SNX30: variants seen among roughly 807,000 people sequenced by gnomAD.
The protein encoded by SNX30 is sorting nexin family member 30, also known as sorting nexin-30.
A neutral mutation model predicts 46.4 loss-of-function variants in SNX30; 24 were observed. The observed-to-expected ratio is 0.52, with a 90% CI of 0.37 to 0.73. The LOEUF is 0.73. Among genes scored for constraint, SNX30 ranks in the 30% least tolerant of loss-of-function variants. The pLI is 0.00. For synonymous variants in SNX30, 189 were observed against 211.5 expected (o/e 0.89, Z 0.92); for missense variants, 533 against 555.7 (o/e 0.96, Z 0.41).
upstream of SNX30, chr9:112,750,731 G>GGGCGGTGT (rs1839252782): frequency 6.6e-6 from 1 of 150,734 alleles, no homozygotes; most frequent in Non-Finnish European, 1.5e-5. Flanking sequence ...CGGAGCGGGT[G>GGGCGGTGT]GGCGGTGTGG....
At chr9:112,878,687 A>G (rs990275519), downstream of SNX30, 2 of 152,280 alleles carry the variant, frequency 1.3e-5, no homozygotes, top group Non-Finnish European at 1.5e-5. Flanking sequence ...GTGCTAGGGC[A>G]GACACAGTCA....
chr9:112,804,801 C>T lies in SNX30; in HGVS notation c.182C>T (p.Thr61Ile). The change falls in exon 2 of 9, where the codon ACT (threonine) becomes ATT (isoleucine). Residue 61 changes from threonine (T) to isoleucine (I), a missense_variant. This residue lies in a region of SNX30 where 191 missense variants were observed against 160.3 expected (regional missense o/e 1.19). Coordinates refer to ENST00000374232, the MANE Select transcript of SNX30 (RefSeq NM_001012994.2). Reference sequence around the variant, plus strand: ...GATCTCATTTTGCCCAACGGTGGTACTCCAGCAGGTACTTCAAGTCCAGCT... The same window carrying T: ...GATCTCATTTTGCCCAACGGTGGTATTCCAGCAGGTACTTCAAGTCCAGCT... The part of the protein sequence containing the change: ...DKDLILPNGG[T>I]PAGTSSPASS... 1 of 1,612,224 alleles carries T rather than the reference C, an allele frequency of 6.2e-7. No homozygotes were observed. The highest frequency in any genetic ancestry group is 2.2e-5 in the East Asian group (1 of 44,878).
intron 4 of SNX30, among the ~76,000 whole-genome samples, chr9:112,835,795 A>T (rs1047483754): frequency 6.6e-6 from 1 of 152,044 alleles, no homozygotes; most frequent in Admixed American, 6.6e-5. Flanking sequence ...TACTCCCCTT[A>T]TATGGCTTTA....
chr9:112,846,660 C>G (rs1001886017), intron 6 of SNX30, among the ~76,000 whole-genome samples: 1 of 152,078 alleles, frequency 6.6e-6, no homozygotes, highest in African/African-American at 2.4e-5. Context: ...CCACTTGGGT[C>G]TTGGGTCGTC....
intron 1 of SNX30, among the ~76,000 whole-genome samples, chr9:112,760,577 G>C (rs572232511): frequency 6.6e-6 from 1 of 152,294 alleles, no homozygotes; most frequent in Non-Finnish European, 1.5e-5. Context: ...TAAGAATGAA[G>C]CCAGAGGGAA....
intron 1 of SNX30, among the ~76,000 whole-genome samples, chr9:112,791,568 C>T (rs978698420): frequency 7.9e-5 from 12 of 151,840 alleles, no homozygotes; most frequent in African/African-American, 2.9e-4. Context: ...TGTGCCACCA[C>T]GCCCAGCTAA....
intron 1 of SNX30, among the ~76,000 whole-genome samples, chr9:112,783,147 G>A (rs1303157618): frequency 2.0e-5 from 3 of 152,222 alleles, no homozygotes; most frequent in Non-Finnish European, 2.9e-5. Flanking sequence ...AGGTGAATGT[G>A]GTGGTAGTTG....
At chr9:112,789,618 G>A (rs963250960) in intron 1 of SNX30, among the ~76,000 whole-genome samples, 4 of 152,286 alleles carry the variant, frequency 2.6e-5, no homozygotes, top group African/African-American at 7.2e-5. Context: ...AATTGTGTAT[G>A]GTAAATGCAG....
intron 2 of SNX30, among the ~76,000 whole-genome samples, chr9:112,807,272 G>T (rs1169141698): frequency 6.6e-6 from 1 of 151,868 alleles, no homozygotes; most frequent in Non-Finnish European, 1.5e-5. Flanking sequence ...TACTATGTTG[G>T]CCAGCCTGGT....
chr9:112,843,831 T>C (rs1328718453), intron 6 of SNX30, among the ~76,000 whole-genome samples: 1 of 152,070 alleles, frequency 6.6e-6, no homozygotes, highest in African/African-American at 2.4e-5. Context: ...GTGAGGCTGG[T>C]CTCGAACTCC....
At chr9:112,804,210 G>C (rs953662834) in intron 1 of SNX30, among the ~76,000 whole-genome samples, 28 of 152,182 alleles carry the variant, frequency 1.8e-4, no homozygotes, top group Admixed American at 5.9e-4. Context: ...TGTTGCCCAG[G>C]TTGGAGTGCA....
At chr9:112,791,229 T>A (rs973007491) in intron 1 of SNX30, among the ~76,000 whole-genome samples, 16 of 152,198 alleles carry the variant, frequency 1.1e-4, no homozygotes, top group Admixed American at 9.2e-4. Flanking sequence ...CTGTAGCCCC[T>A]GGCAACCAAG....
chr9:112,846,177 A>G (rs1433751803), intron 6 of SNX30, among the ~76,000 whole-genome samples: 7 of 152,248 alleles, frequency 4.6e-5, no homozygotes, highest in African/African-American at 1.7e-4. Flanking sequence ...AGACCATCTG[A>G]ATAACAGGTG....
intron 1 of SNX30, among the ~76,000 whole-genome samples, chr9:112,787,072 T>C (rs1839941409): frequency 6.6e-6 from 1 of 152,148 alleles, no homozygotes; most frequent in Non-Finnish European, 1.5e-5. Flanking sequence ...GCCAGTCAGG[T>C]GGCGCTCCAG....
chr9:112,795,765 T>TCTCACA (rs34877094), intron 1 of SNX30, among the ~76,000 whole-genome samples: 26,344 of 123,172 alleles, frequency 0.21, 2,920 homozygotes, highest in East Asian at 0.42. Context: ...CACAGTACAG[T>TCTCACA]CACACACACA....
intron 2 of SNX30, among the ~76,000 whole-genome samples, chr9:112,815,406 G>A (rs1840381208): frequency 6.6e-6 from 1 of 151,064 alleles, no homozygotes; most frequent in Non-Finnish European, 1.5e-5. Flanking sequence ...TGTTTCCCAG[G>A]CTGGAGTGCA....
chr9:112,771,942 G>C (rs1839656783), intron 1 of SNX30, among the ~76,000 whole-genome samples: 1 of 152,166 alleles, frequency 6.6e-6, no homozygotes, highest in Non-Finnish European at 1.5e-5. Flanking sequence ...TGAACTTTTT[G>C]TTCTGGCTTG....
intron 6 of SNX30, among the ~76,000 whole-genome samples, chr9:112,843,440 G>A (rs1340789224): frequency 6.6e-6 from 1 of 152,060 alleles, no homozygotes; most frequent in Non-Finnish European, 1.5e-5. Context: ...ATATGGGAGT[G>A]AGCTGCGCAA....
At position 112,836,279 on chromosome 9, in the gene SNX30, C is replaced by T. The variant is rs763033295; in HGVS notation, c.684C>T (p.His228=). The T allele has an allele frequency of 9.3e-6, 15 of 1,613,006 alleles. 1 individual carries two copies. The highest frequency in any genetic ancestry group is 6.7e-5 in the African/African-American group (5 of 74,932). ...LLTRMGESVK[H]VTGGYKLRTR... is the part of the protein sequence containing the mutation. The stretch of plus-strand genomic sequence containing the variant: ...CCAGAATGGGCGAGTCAGTCAAGCA[C>T]GTCACTGGCGGCTACAAGCTGAGGA... The change falls in exon 5 of 9, where the codon CAC becomes CAT. Residue 228 remains histidine, a synonymous_variant. Transcript: ENST00000374232.
Sources: allele counts gnomAD v4.1 joint callset (sites outside exome capture counted in the v4.1 genomes callset), GRCh38; gene constraint gnomAD v4.1.1; regional missense constraint gnomAD v4.1.1; transcripts MANE v1.5; gene names NCBI Gene and HGNC (gene_info 2026-07-23, HGNC 2026-07-21).